HS6ST3: variants seen among roughly 807,000 people sequenced by gnomAD.
HS6ST3 encodes the protein heparan sulfate 6-O-sulfotransferase 3.
Under a neutral mutation model 36.7 loss-of-function variants are expected in HS6ST3, and 12 were observed. The ratio of observed to expected loss-of-function variants is 0.33; its 90% CI spans 0.21 to 0.53. HS6ST3 has a LOEUF of 0.53. Ranked by LOEUF, HS6ST3 falls within the 20% of genes least tolerant of loss-of-function variation. The pLI is 0.95. For missense variants in HS6ST3, 584 were observed against 640.9 expected (o/e 0.91, Z 0.96); for synonymous variants, 240 against 257.5 (o/e 0.93, Z 0.65).
intron 1 of HS6ST3, among the ~76,000 whole-genome samples, chr13:96,771,192 G>A (rs1877254176): frequency 6.8e-6 from 1 of 147,276 alleles, no homozygotes; most frequent in Admixed American, 7.0e-5. Context: ...AACACCGCAT[G>A]TTCTCACTCA....
chr13:96,752,762 A>G lies in HS6ST3; in HGVS notation c.708-79728A>G, dbSNP rs138635378. On this transcript the variant is annotated intron_variant, in intron 1 of 1. Transcript: ENST00000376705. ...TTGGAGCTTGTCTTCCACTCTTTAT[A>G]TTTCTTGATGATAAAAGTTTATATT... Among the ~76,000 whole-genome samples the G allele has an allele frequency of 1.4e-3, 213 of 151,654 alleles. 2 individuals are homozygous for G. The highest frequency in any genetic ancestry group is 4.2e-3 in the African/African-American group (174 of 41,334).
intron 1 of HS6ST3, among the ~76,000 whole-genome samples, chr13:96,102,804 G>C (rs763793799): frequency 1.3e-5 from 2 of 152,180 alleles, no homozygotes; most frequent in Non-Finnish European, 2.9e-5. Context: ...TCGCAAGCAA[G>C]TCATGAATTA....
In HS6ST3 at chr13:96,837,104, T is replaced by C. The variant is rs1289293996; in HGVS notation, c.*3906T>C. 1 of 152,202 alleles carries C rather than the reference T, an allele frequency of 6.6e-6. No homozygotes were observed. The highest frequency in any genetic ancestry group is 1.9e-4 in the East Asian group (1 of 5,200). The allele number at this position is 152,202 out of a possible 1,614,324, so 9.4% of individuals were successfully genotyped here. On this transcript the variant is annotated 3_prime_UTR_variant, in exon 2 of 2. Transcript: ENST00000376705. ...TATTATTGATTGTCATGTGCCTTGA[T>C]AAGCATAGGAGGTTCTGTTATTAAA...
intron 1 of HS6ST3, among the ~76,000 whole-genome samples, chr13:96,113,408 T>C (rs531229298): frequency 1.1e-4 from 17 of 152,280 alleles, no homozygotes; most frequent in Non-Finnish European, 2.2e-4. Context: ...TTATTGACTT[T>C]CTTAAAGGCA....
chr13:96,832,994 C>T lies in HS6ST3; in HGVS notation c.1212C>T (p.Asp404=). Residue 404 remains aspartate, a synonymous_variant, in exon 2 of 2, where the codon GAC becomes GAT. Coordinates refer to ENST00000376705, the MANE Select transcript of HS6ST3 (RefSeq NM_153456.4). ...GCATTGAGGATCTAAACTTCCTGGACATGCAGCTTTACGAGTATGCAAAAG... is the reference window on the plus strand; with the variant it reads ...GCATTGAGGATCTAAACTTCCTGGATATGCAGCTTTACGAGTATGCAAAAG... The part of the protein sequence containing the change: ...RQRIEDLNFL[D]MQLYEYAKDL... 1.2e-6 allele frequency: 2 copies of T among 1,614,090 alleles called. No individual in the cohort carries two copies. The highest frequency in any genetic ancestry group is 1.7e-6 in the Non-Finnish European group (2 of 1,179,992).
At chr13:96,475,465 C>T (rs2055858874) in intron 1 of HS6ST3, among the ~76,000 whole-genome samples, 1 of 152,024 alleles carries the variant, frequency 6.6e-6, no homozygotes, top group African/African-American at 2.4e-5. Context: ...GTCCTTCAAG[C>T]TAGTTTTCAC....
chr13:96,178,965 G>A (rs184836960), intron 1 of HS6ST3, among the ~76,000 whole-genome samples: 1 of 152,322 alleles, frequency 6.6e-6, no homozygotes, highest in East Asian at 1.9e-4. Context: ...AAGAAATGGA[G>A]AGATTTACTA....
rs1418327410 is a variant in HS6ST3, at chr13:96,090,786, G to A, written c.-77G>A. 13 of 1,274,584 alleles carry A rather than the reference G, an allele frequency of 1.0e-5. No homozygotes were observed. The highest frequency in any genetic ancestry group is 1.6e-5 in the African/African-American group (1 of 63,686). 79.0% of individuals were successfully genotyped at this position (1,274,584 alleles called of 1,614,324 possible). A position where few individuals can be genotyped will look rare whatever the true frequency, so the allele number is the denominator to read the frequency against. On this transcript the variant is annotated 5_prime_UTR_variant, in exon 1 of 2. Transcript: ENST00000376705. ...CTCCGAGCCGCGCCCCGGAGTCCGC[G>A]AAACTTCCGAGCGGGCGCCCGTCCG...
chr13:96,836,488 G>A lies in HS6ST3; in HGVS notation c.*3290G>A, dbSNP rs1878931435. On this transcript the variant is annotated 3_prime_UTR_variant, in exon 2 of 2. Transcript: ENST00000376705. ...GTAATTGGTAACATTAACAATCAGT[G>A]TTAGACAACAGTGAGGCATATCATG... 2.0e-5 allele frequency: 3 copies of A among 152,178 alleles called. No homozygotes were observed. The highest frequency in any genetic ancestry group is 7.2e-5 in the African/African-American group (3 of 41,428). 9.4% of individuals were successfully genotyped at this position (152,178 alleles called of 1,614,324 possible).
Position 96,835,128 on chromosome 13 carries a change from T to C in HS6ST3, c.*1930T>C, listed in dbSNP as rs1594871441. ...TCTCTTTACTCCGTCACCATATCCA[T>C]ATGGAATAAGGGCTCGTCCTACCTA... On this transcript the variant is annotated 3_prime_UTR_variant, in exon 2 of 2. Coordinates refer to ENST00000376705, the MANE Select transcript of HS6ST3 (RefSeq NM_153456.4). The C allele has an allele frequency of 1.3e-5, 2 of 152,298 alleles. No homozygotes were observed. Among genetic ancestry groups the C allele is most frequent in the East Asian group, 3.9e-4 (2 of 5,178 alleles). 9.4% of individuals were successfully genotyped at this position (152,298 alleles called of 1,614,324 possible).
chr13:96,488,242 A>G (rs1187162454), intron 1 of HS6ST3, among the ~76,000 whole-genome samples: 1 of 151,694 alleles, frequency 6.6e-6, no homozygotes, highest in Non-Finnish European at 1.5e-5. Flanking sequence ...TGCTATTTAT[A>G]TTTTCTCCTG....
intron 1 of HS6ST3, among the ~76,000 whole-genome samples, chr13:96,213,346 T>C (rs1199507089): frequency 6.6e-6 from 1 of 152,228 alleles, no homozygotes; most frequent in African/African-American, 2.4e-5. Flanking sequence ...TGCTTTTTTC[T>C]CTGATTTTGC....
intron 1 of HS6ST3, among the ~76,000 whole-genome samples, chr13:96,516,344 C>G (rs1033583964): frequency 1.3e-5 from 2 of 152,056 alleles, no homozygotes; most frequent in African/African-American, 2.4e-5. Flanking sequence ...TGTGAGCCAC[C>G]ATTCCCGGCC....
Position 96,291,167 on chromosome 13 carries a change from C to A in HS6ST3, c.707+199598C>A, listed in dbSNP as rs528098472. On this transcript the variant is annotated intron_variant, in intron 1 of 1. Transcript: ENST00000376705. ...TATTTTACTTACTTATTTTTTCTAT[C>A]TTCTGTCTCTCCCATAGAATGTGGC... is the stretch of plus-strand genomic sequence containing the variant. Among the ~76,000 whole-genome samples, 7 of 152,180 alleles carry A rather than the reference C, an allele frequency of 4.6e-5. 1 individual carries two copies. The highest frequency in any genetic ancestry group is 1.7e-4 in the African/African-American group (7 of 41,540).
chr13:96,796,886 C>CT (rs1438711815), intron 1 of HS6ST3, among the ~76,000 whole-genome samples: 1 of 151,938 alleles, frequency 6.6e-6, no homozygotes, highest in Non-Finnish European at 1.5e-5. Flanking sequence ...ATCGATCAGG[C>CT]CATAATACAG....
chr13:96,600,655 C>T (rs1228260759), intron 1 of HS6ST3, among the ~76,000 whole-genome samples: 1 of 151,872 alleles, frequency 6.6e-6, no homozygotes, highest in African/African-American at 2.4e-5. Context: ...GGCATTCAAA[C>T]CATTTACATT....
chr13:96,791,244 ATTT>A (rs1282652066), intron 1 of HS6ST3, among the ~76,000 whole-genome samples: 4 of 151,942 alleles, frequency 2.6e-5, no homozygotes, highest in Non-Finnish European at 5.9e-5. Context: ...TGCTGTGCTA[ATTT>A]TCACCATCCT....
chr13:96,765,786 CT>C (rs1219096308), intron 1 of HS6ST3, among the ~76,000 whole-genome samples: 1 of 149,756 alleles, frequency 6.7e-6, no homozygotes, highest in African/African-American at 2.5e-5. Flanking sequence ...TTTTTTTTTT[CT>C]TTTAGGAGTG....
intron 1 of HS6ST3, among the ~76,000 whole-genome samples, chr13:96,619,571 G>A (rs1428490096): frequency 1.3e-5 from 2 of 152,186 alleles, no homozygotes; most frequent in South Asian, 2.1e-4. Context: ...TGGCACTGAG[G>A]TGCAGTGTAT....
Sources: gnomAD v4.1 joint callset for allele counts (sites outside exome capture counted in the v4.1 genomes callset) on GRCh38, gnomAD v4.1.1 for gene constraint, MANE v1.5 for transcripts, NCBI Gene and HGNC (gene_info 2026-07-23, HGNC 2026-07-21) for gene names.